Variants in TNRC6C observed in about 807,000 individuals in gnomAD.
TNRC6C encodes the protein trinucleotide repeat-containing gene 6C protein.
TNRC6C carries 20 observed loss-of-function variants against 153.7 expected under a neutral mutation model. The ratio of observed to expected loss-of-function variants is 0.13; its 90% CI spans 0.09 to 0.19. TNRC6C has a LOEUF of 0.19. Ranked by LOEUF, TNRC6C falls within the 10% of genes least tolerant of loss-of-function variation. TNRC6C has a pLI of 1.00. For missense variants in TNRC6C, 1,987 were observed against 2,172.0 expected, an observed-to-expected ratio of 0.91 and a Z score of 1.69; for synonymous variants, 811 against 841.4, an observed-to-expected ratio of 0.96 and a Z score of 0.63.
chr17:78,055,346 T>C (rs1040900603), intron 3 of TNRC6C, among the ~76,000 whole-genome samples: 2 of 152,164 alleles, frequency 1.3e-5, no homozygotes, highest in Non-Finnish European at 2.9e-5. Flanking sequence ...GGAGATCCAA[T>C]AACAGGAAGT....
chr17:78,106,223 C>T (rs1333942808), exon 20 of TNRC6C: 3 of 149,262 alleles, frequency 2.0e-5, no homozygotes, highest in South Asian at 4.3e-4. Flanking sequence ...CTCCTTCAGA[C>T]TTTAAAATTT....
chr17:78,096,458 A>G (rs1034744932), intron 16 of TNRC6C, among the ~76,000 whole-genome samples: 3 of 152,228 alleles, frequency 2.0e-5, no homozygotes, highest in Admixed American at 1.3e-4. Flanking sequence ...CAGATTACCC[A>G]TAAATGTTAA....
At chr17:77,957,913 T>A (rs556627061), upstream of TNRC6C, among the ~76,000 whole-genome samples, 6 of 152,248 alleles carry the variant, frequency 3.9e-5, no homozygotes, top group East Asian at 3.9e-4. Context: ...GACCGAAGGC[T>A]TGCGCGGTGA....
intron 1 of TNRC6C, among the ~76,000 whole-genome samples, chr17:78,007,410 G>T (rs1201270920): frequency 6.6e-6 from 1 of 152,196 alleles, no homozygotes; most frequent in Non-Finnish European, 1.5e-5. Context: ...ATTATTACTG[G>T]TTCAAACCAA....
intron 1 of TNRC6C, among the ~76,000 whole-genome samples, chr17:77,992,497 CAA>C (rs1333860215): frequency 2.7e-4 from 8 of 29,504 alleles, no homozygotes; most frequent in Non-Finnish European, 2.6e-4. Context: ...GACTCCGTCT[CAA>C]AAAAAAAAAA....
intron 10 of TNRC6C, among the ~76,000 whole-genome samples, chr17:78,082,101 C>A (rs368923413): frequency 6.6e-6 from 1 of 150,844 alleles, no homozygotes; most frequent in Admixed American, 6.6e-5. Flanking sequence ...CAGCAGCCTG[C>A]GGTGCAACAG....
intron 2 of TNRC6C, among the ~76,000 whole-genome samples, chr17:78,033,682 G>A: frequency 6.6e-6 from 1 of 151,510 alleles, no homozygotes; most frequent in African/African-American, 2.4e-5. Flanking sequence ...AAAAAAAAAG[G>A]TGTGTGAGTA....
Position 77,985,601 on chromosome 17 carries a change from C to CAA in TNRC6C, c.-37-18555_-37-18554dup, listed in dbSNP as rs1229331703. ...TGGGCAACAGAGCGAGACTCCGTCTCAAAAAAAAAAAAAAACCAGCAACTG... is the reference window on the plus strand; with the variant it reads ...TGGGCAACAGAGCGAGACTCCGTCTCAAAAAAAAAAAAAAAAACCAGCAACTG... On this transcript the variant is annotated intron_variant, in intron 1 of 22. Coordinates refer to the TNRC6C transcript ENST00000636222. Among the ~76,000 whole-genome samples the CAA allele has an allele frequency of 1.2e-4, 12 of 96,246 alleles. 1 individual carries two copies. Among genetic ancestry groups the CAA allele is most frequent in the African/African-American group, 2.5e-4 (6 of 23,820 alleles). 63.1% of individuals were successfully genotyped at this position (96,246 alleles called of 152,430 possible).
chr17:77,959,097 G>C (rs2070838173), upstream of TNRC6C: 11 of 145,926 alleles, frequency 7.5e-5, no homozygotes, highest in South Asian at 2.0e-3. Flanking sequence ...CGCCGCCGCA[G>C]CCGCCGCCGC....
upstream of TNRC6C, among the ~76,000 whole-genome samples, chr17:77,958,729 G>A (rs1319857267): frequency 6.6e-6 from 1 of 151,342 alleles, no homozygotes; most frequent in Non-Finnish European, 1.5e-5. Flanking sequence ...TGGCCGCGGT[G>A]GCAGCTCCGC....
chr17:77,994,106 T>C (rs998002127), intron 1 of TNRC6C, among the ~76,000 whole-genome samples: 37 of 152,282 alleles, frequency 2.4e-4, no homozygotes, highest in Middle Eastern at 3.4e-3. Flanking sequence ...GGCAGGAGAA[T>C]CGCTTGAACC....
At chr17:78,102,429 A>G in intron 17 of TNRC6C, 45 bp from the exon 21 acceptor site, 1 of 1,560,996 alleles carries the variant, frequency 6.4e-7, no homozygotes, top group African/African-American at 1.4e-5. Flanking sequence ...CGCACTATCC[A>G]CTGGCACGGG....
At chr17:78,093,550 CTT>C in intron 15 of TNRC6C, 68 bp from the exon 18 acceptor site, 2 of 1,574,284 alleles carry the variant, frequency 1.3e-6, no homozygotes, top group Non-Finnish European at 1.7e-6. Flanking sequence ...GACAAAACAT[CTT>C]TTAAAATTTC....
exon 3 of TNRC6C, chr17:78,050,083 G>A: frequency 3.1e-6 from 5 of 1,609,738 alleles, no homozygotes; most frequent in Non-Finnish European, 4.2e-6. Flanking sequence ...CGGTGTGAAT[G>A]GGGAATGGGG....
intron 1 of TNRC6C, chr17:78,008,291 A>G (rs1352821701): frequency 1.3e-5 from 2 of 152,230 alleles, no homozygotes; most frequent in Non-Finnish European, 2.9e-5. Context: ...CTGCTTTGTA[A>G]AATTACCACT....
intron 1 of TNRC6C, among the ~76,000 whole-genome samples, chr17:78,018,807 GTC>G (rs1340791955): frequency 6.6e-6 from 1 of 152,140 alleles, no homozygotes; most frequent in Non-Finnish European, 1.5e-5. Flanking sequence ...AGTGAGTACT[GTC>G]TCTATAAACT....
At chr17:78,062,720 G>T (rs566928794) in intron 3 of TNRC6C, among the ~76,000 whole-genome samples, 1 of 152,190 alleles carries the variant, frequency 6.6e-6, no homozygotes, top group Non-Finnish European at 1.5e-5. Flanking sequence ...TGTGAAGGGC[G>T]TGGGGAAATC....
intron 1 of TNRC6C, among the ~76,000 whole-genome samples, chr17:77,993,854 C>G (rs1282165655): frequency 6.6e-6 from 1 of 151,630 alleles, no homozygotes; most frequent in Non-Finnish European, 1.5e-5. Flanking sequence ...GGGTTGTTTC[C>G]TGCAGCAATA....
chr17:77,961,852 C>T (rs1348312834), intron 1 of TNRC6C, among the ~76,000 whole-genome samples: 3 of 152,100 alleles, frequency 2.0e-5, no homozygotes, highest in Non-Finnish European at 4.4e-5. Flanking sequence ...TTTTCATCAC[C>T]GCTACCGCCA....
Sources: allele counts gnomAD v4.1 joint callset (sites outside exome capture counted in the v4.1 genomes callset), GRCh38; gene constraint gnomAD v4.1.1; transcripts MANE v1.5; gene names NCBI Gene and HGNC (gene_info 2026-07-23, HGNC 2026-07-21).